Variants in USP47 observed in about 807,000 individuals in gnomAD.
USP47 encodes the protein ubiquitin carboxyl-terminal hydrolase 47.
A neutral mutation model predicts 165.1 loss-of-function variants in USP47; 35 were observed. That is an observed-to-expected ratio of 0.21 (90% CI 0.16 to 0.28). The LOEUF (loss-of-function observed/expected upper bound fraction) is 0.28. Ranked by LOEUF, USP47 falls within the 10% of genes least tolerant of loss-of-function variation. The pLI is 1.00. For synonymous variants in USP47, 531 were observed against 544.5 expected (o/e 0.98, Z 0.35); for missense variants, 1,277 against 1,607.4 (o/e 0.79, Z 3.52).
At position 11,956,440 on chromosome 11, in the gene USP47, CT is replaced by C; in HGVS notation, c.*267del. The C allele has an allele frequency of 3.4e-6, 1 of 290,516 alleles. No individual in the cohort carries two copies. The highest frequency in any genetic ancestry group is 9.5e-4 in the Middle Eastern group (1 of 1,052). The allele number at this position is 290,516 out of a possible 1,614,324, so 18.0% of individuals were successfully genotyped here. A position where few individuals can be genotyped will look rare whatever the true frequency, so the allele number is the denominator to read the frequency against. ...AAAAAAAACAACAAAAAAAGCTAAC[CT>C]TCTATTAGAAAAGGGGACAGGGGAA... On this transcript the variant is annotated 3_prime_UTR_variant, in exon 28 of 28. Coordinates refer to ENST00000527733, the MANE Select transcript of USP47 (RefSeq NM_001282659.2).
At chr11:11,869,685 G>T (rs892819508) in intron 1 of USP47, among the ~76,000 whole-genome samples, 1 of 152,162 alleles carries the variant, frequency 6.6e-6, no homozygotes. Flanking sequence ...TGGTTTGAAT[G>T]CTTGCCGTCT....
rs774505193 is a variant in USP47, at chr11:11,897,829, C to T, written c.593+136C>T. The T allele has an allele frequency of 9.0e-5, 52 of 575,596 alleles. 1 individual carries two copies. Among genetic ancestry groups the T allele is most frequent in the Non-Finnish European group, 1.3e-4 (43 of 330,890 alleles). The allele number at this position is 575,596 out of a possible 1,614,324, so 35.7% of individuals were successfully genotyped here. On this transcript the variant is annotated intron_variant, in intron 5 of 27. Coordinates refer to ENST00000527733, the MANE Select transcript of USP47 (RefSeq NM_001282659.2). ...CCATAAGATATAACTTCTTTCCTTA[C>T]GTAATAACAAAGATCTTGTGAAAAA...
chr11:11,886,708 G>A (rs923628161), intron 3 of USP47, among the ~76,000 whole-genome samples: 11 of 152,148 alleles, frequency 7.2e-5, no homozygotes, highest in Non-Finnish European at 1.0e-4. Context: ...AATCTAGCAA[G>A]ACAGGCCAAC....
Position 11,960,996 on chromosome 11 carries a change from AG to A in USP47, c.*4822del, listed in dbSNP as rs1389316923. 6.6e-6 allele frequency among the ~76,000 whole-genome samples: 1 copy of A among 152,150 alleles called. No individual in the cohort carries two copies. Among genetic ancestry groups the A allele is most frequent in the Non-Finnish European group, 1.5e-5 (1 of 68,024 alleles). ...GCAGGCTATGGTTCATCATGCAAATAGCTCCTGTGTCAGAAATGCTTTTTGG... is the reference window on the plus strand; with the variant it reads ...GCAGGCTATGGTTCATCATGCAAATACTCCTGTGTCAGAAATGCTTTTTGG... On this transcript the variant is annotated 3_prime_UTR_variant, in exon 28 of 28. Coordinates refer to ENST00000527733, the MANE Select transcript of USP47 (RefSeq NM_001282659.2).
chr11:11,848,792 G>A lies in USP47; in HGVS notation c.39+6568G>A, dbSNP rs572114588. Among the ~76,000 whole-genome samples the A allele has an allele frequency of 3.9e-4, 59 of 152,028 alleles. 1 individual carries two copies. The highest frequency in any genetic ancestry group is 1.2e-3 in the African/African-American group (50 of 41,452). On this transcript the variant is annotated intron_variant, in intron 1 of 27. Coordinates refer to ENST00000527733, the MANE Select transcript of USP47 (RefSeq NM_001282659.2). ...ACCTGGCTAATTTTTTGTATTTTTA[G>A]TAGAGATGGGGTTTCACAGTGTTAG...
intron 1 of USP47, among the ~76,000 whole-genome samples, chr11:11,861,135 C>T (rs1460782610): frequency 1.3e-5 from 2 of 152,072 alleles, no homozygotes; most frequent in African/African-American, 2.4e-5. Context: ...CGCTCTGTCG[C>T]CCAAGCTGGA....
At position 11,912,114 on chromosome 11, in the gene USP47, A is replaced by C. The variant is rs1853040151; in HGVS notation, c.969+6566A>C. On this transcript the variant is annotated intron_variant, in intron 8 of 27. Transcript: ENST00000527733. ...CTCACAGTATTAAATGCTTATACTA[A>C]AAGACAGGAAAAGGGCCAAATCAGA... Among the ~76,000 whole-genome samples the C allele has an allele frequency of 3.9e-5, 6 of 152,064 alleles. No individual in the cohort carries two copies. In the South Asian group the frequency reaches 1.2e-3, roughly 32 times the overall value.
At chr11:11,878,674 T>C (rs1850637710) in intron 1 of USP47, 1 of 152,080 alleles carries the variant, frequency 6.6e-6, no homozygotes, top group African/African-American at 2.4e-5. Context: ...ATTAAATATT[T>C]GGATGTGTCT....
At chr11:11,883,762 A>G (rs1850982032) in intron 2 of USP47, among the ~76,000 whole-genome samples, 1 of 152,180 alleles carries the variant, frequency 6.6e-6, no homozygotes, top group African/African-American at 2.4e-5. Flanking sequence ...AATGACAGCT[A>G]GAGTTGAAAT....
intron 8 of USP47, among the ~76,000 whole-genome samples, chr11:11,917,603 A>C (rs1853519555): frequency 6.6e-6 from 1 of 150,506 alleles, no homozygotes. Context: ...GAGACCATTT[A>C]AAACTGGCAG....
At chr11:11,923,985 C>G (rs542386409) in intron 11 of USP47, among the ~76,000 whole-genome samples, 2 of 152,212 alleles carry the variant, frequency 1.3e-5, no homozygotes, top group Non-Finnish European at 2.9e-5. Context: ...TTCTTCCTTT[C>G]CCATCTGCAT....
intron 8 of USP47, among the ~76,000 whole-genome samples, chr11:11,910,866 T>C (rs774450293): frequency 6.6e-6 from 1 of 152,038 alleles, no homozygotes; most frequent in African/African-American, 2.4e-5. Context: ...AATTAAAAAA[T>C]CACAAATCTC....
chr11:11,898,615 G>C (rs560596234), intron 5 of USP47, among the ~76,000 whole-genome samples: 2 of 152,262 alleles, frequency 1.3e-5, no homozygotes, highest in African/African-American at 4.8e-5. Context: ...TAAGATCTTT[G>C]TTCTTGAGTA....
chr11:11,928,017 A>T (rs944760600), intron 11 of USP47, among the ~76,000 whole-genome samples: 2 of 152,080 alleles, frequency 1.3e-5, no homozygotes, highest in Non-Finnish European at 1.5e-5. Flanking sequence ...CATTATTGTC[A>T]TCTAGAAGTT....
Position 11,933,857 on chromosome 11 carries a change from A to G in USP47, c.1791A>G (p.Thr597=). 6.2e-7 allele frequency: 1 copy of G among 1,609,510 alleles called. No individual in the cohort carries two copies. Among genetic ancestry groups the G allele is most frequent in the Non-Finnish European group, 8.5e-7 (1 of 1,176,838 alleles). Residue 597 remains threonine (T), a synonymous_variant, in exon 16 of 28, where the codon ACA becomes ACG. Transcript: ENST00000527733. Reference sequence around the variant, plus strand: ...TAAAATTATTCTGTTTGCATCCTACAAAACAAGTAATGATGGAAAATAAAT... The same window carrying G: ...TAAAATTATTCTGTTTGCATCCTACGAAACAAGTAATGATGGAAAATAAAT... ...CKIKLFCLHP[T]KQVMMENKLE...
intron 11 of USP47, 87 bp from the exon 12 acceptor site, chr11:11,929,347 C>G: frequency 6.6e-7 from 1 of 1,518,214 alleles, no homozygotes; most frequent in East Asian, 2.3e-5. Context: ...CATGTTACTT[C>G]TCTGTGTGTT....
intron 1 of USP47, among the ~76,000 whole-genome samples, chr11:11,855,028 G>A (rs1848953996): frequency 6.6e-6 from 1 of 151,894 alleles, no homozygotes; most frequent in Admixed American, 6.6e-5. Flanking sequence ...CCGGGAGGCG[G>A]AGTTTGCAGT....
rs554487465 is a variant in USP47 at position 11,947,332 on chromosome 11, A to G, written c.3092-613A>G. 2.0e-5 allele frequency among the ~76,000 whole-genome samples: 3 copies of G among 152,236 alleles called. No individual in the cohort carries two copies. In the South Asian group the frequency reaches 6.2e-4, roughly 31 times the overall value. On this transcript the variant is annotated intron_variant, in intron 20 of 27. Coordinates refer to ENST00000527733, the MANE Select transcript of USP47 (RefSeq NM_001282659.2). Reference sequence around the variant, plus strand: ...ATCCATTTAAATACAGTTCCTGTTAATTACAGCCCAACCACATGATAAATC... The same window carrying G: ...ATCCATTTAAATACAGTTCCTGTTAGTTACAGCCCAACCACATGATAAATC...
chr11:11,854,702 A>G (rs1848926574), intron 1 of USP47, among the ~76,000 whole-genome samples: 1 of 147,656 alleles, frequency 6.8e-6, no homozygotes, highest in African/African-American at 2.4e-5. Context: ...CCTGTCAGCT[A>G]CTTATCTTAA....
Sources: gnomAD v4.1 joint callset for allele counts (sites outside exome capture counted in the v4.1 genomes callset) on GRCh38, gnomAD v4.1.1 for gene constraint, MANE v1.5 for transcripts, NCBI Gene and HGNC (gene_info 2026-07-23, HGNC 2026-07-21) for gene names.